Variants in ZC3H12D observed in about 807,000 individuals in gnomAD.
ZC3H12D encodes the protein zinc finger CCCH-type containing 12D, also known as probable ribonuclease ZC3H12D.
ZC3H12D carries 11 observed loss-of-function variants against 24.2 expected under a neutral mutation model. The observed-to-expected ratio is 0.46, with a 90% CI of 0.29 to 0.75. The LOEUF (loss-of-function observed/expected upper bound fraction) is 0.75. Among genes scored for constraint, ZC3H12D ranks in the 30% least tolerant of loss-of-function variants. The pLI is 0.11. For synonymous variants in ZC3H12D, 333 were observed against 341.8 expected (o/e 0.97, Z 0.28); for missense variants, 740 against 767.7 (o/e 0.96, Z 0.43).
chr6:149,483,852 A>T (rs1776461483), intron 1 of ZC3H12D, among the ~76,000 whole-genome samples: 1 of 152,138 alleles, frequency 6.6e-6, no homozygotes, highest in Non-Finnish European at 1.5e-5. Flanking sequence ...CTCCCAGCCA[A>T]TTTCTCTCGT....
intron 3 of ZC3H12D, among the ~76,000 whole-genome samples, chr6:149,457,980 T>G (rs1776010772): frequency 6.6e-6 from 1 of 152,072 alleles, no homozygotes; most frequent in Non-Finnish European, 1.5e-5. Context: ...CTCTGCCCCC[T>G]CAGTCTGCGA....
chr6:149,454,650 C>T (rs1472981915), intron 4 of ZC3H12D, among the ~76,000 whole-genome samples: 2 of 152,268 alleles, frequency 1.3e-5, no homozygotes, highest in Non-Finnish European at 2.9e-5. Flanking sequence ...CGCTCACAAG[C>T]GGGCGGCAGG....
intron 3 of ZC3H12D, among the ~76,000 whole-genome samples, chr6:149,460,482 G>A (rs377511391): frequency 1.4e-4 from 22 of 152,246 alleles, no homozygotes; most frequent in Admixed American, 4.6e-4. Context: ...GATGGCTTGC[G>A]TCCAGAAGTT....
At chr6:149,453,790 CAGCTACTAGAAA>C (rs1427548234) in intron 4 of ZC3H12D, among the ~76,000 whole-genome samples, 1 of 152,096 alleles carries the variant, frequency 6.6e-6, no homozygotes, top group East Asian at 1.9e-4. Flanking sequence ...CCTGTAGTTC[CAGCTACTAGAAA>C]AGCTGAGGAA....
chr6:149,474,717 C>T (rs1776304511), intron 1 of ZC3H12D, 104 bp from the exon 2 acceptor site: 1 of 503,240 alleles, frequency 2.0e-6, no homozygotes, highest in African/African-American at 1.9e-5. Flanking sequence ...GTCAGGAAAT[C>T]AGGTGGAGCC....
Position 149,452,274 on chromosome 6 carries a change from A to C in ZC3H12D, c.787+342T>G. On this transcript the variant is annotated intron_variant, in intron 5 of 5. Coordinates refer to ENST00000409806, the MANE Select transcript of ZC3H12D (RefSeq NM_207360.3). This position sits in a 1 kb window ranked among gnomAD's most constrained non-coding sequence, Gnocchi z 4.0. ...AGGGTGGAGGGGTGGAGAGCAGGGT[A>C]GGGTGAGGACAGAAGCTGCCAGGGG... 2 of 244,482 alleles carry C rather than the reference A, an allele frequency of 8.2e-6. No individual in the cohort carries two copies. Among genetic ancestry groups the C allele is most frequent in the Non-Finnish European group, 7.8e-6 (1 of 127,670 alleles). The allele number at this position is 244,482 out of a possible 1,614,324, so 15.1% of individuals were successfully genotyped here.
At chr6:149,472,749 T>G (rs542116707) in intron 2 of ZC3H12D, among the ~76,000 whole-genome samples, 1 of 152,220 alleles carries the variant, frequency 6.6e-6, no homozygotes, top group South Asian at 2.1e-4. Context: ...CTACAGCCAC[T>G]CTGCTGTTTT....
intron 4 of ZC3H12D, among the ~76,000 whole-genome samples, chr6:149,453,378 C>G (rs1033162048): frequency 5.3e-5 from 8 of 151,920 alleles, no homozygotes; most frequent in South Asian, 2.1e-4. Flanking sequence ...GGAATCTGCA[C>G]AACTGGGAGA....
chr6:149,452,817 A>T lies in ZC3H12D; in HGVS notation c.681-95T>A. ...CAGGCCCAAGTTCCCCAAGAACACC[A>T]GGAAGCATTCGGCCCCGGGCCCACC... On this transcript the variant is annotated intron_variant, in intron 4 of 5. Coordinates refer to ENST00000409806, the MANE Select transcript of ZC3H12D (RefSeq NM_207360.3). This position sits in a 1 kb window ranked among gnomAD's most constrained non-coding sequence, Gnocchi z 4.0. The T allele has an allele frequency of 8.7e-7, 1 of 1,153,952 alleles. No homozygotes were observed. Among genetic ancestry groups the T allele is most frequent in the Non-Finnish European group, 1.2e-6 (1 of 804,812 alleles). 71.5% of individuals were successfully genotyped at this position (1,153,952 alleles called of 1,614,324 possible).
intron 2 of ZC3H12D, among the ~76,000 whole-genome samples, chr6:149,467,026 G>A (rs1305985691): frequency 6.6e-6 from 1 of 152,120 alleles, no homozygotes; most frequent in Non-Finnish European, 1.5e-5. Context: ...CCTTTGGTGG[G>A]TGTAGGAGGC....
chr6:149,452,778 C>A lies in ZC3H12D; in HGVS notation c.681-56G>T. ...ACCACCTGGGATTTGCCACCAGCAC[C>A]TGTACAAAGGGAGCAGGCCCAAGTT... On this transcript the variant is annotated intron_variant, in intron 4 of 5. Coordinates refer to ENST00000409806, the MANE Select transcript of ZC3H12D (RefSeq NM_207360.3). The surrounding 1 kb of genome is among the most constrained non-coding windows in gnomAD (Gnocchi z 4.0). 1 of 1,483,028 alleles carries A rather than the reference C, an allele frequency of 6.7e-7. No individual in the cohort carries two copies. The highest frequency in any genetic ancestry group is 9.1e-7 in the Non-Finnish European group (1 of 1,094,296). The allele number at this position is 1,483,028 out of a possible 1,614,324, so 91.9% of individuals were successfully genotyped here.
rs1195397429 is a variant in ZC3H12D at position 149,456,712 on chromosome 6, A to G, written c.634T>C (p.Trp212Arg). 1 of 1,612,984 alleles carries G rather than the reference A, an allele frequency of 6.2e-7. No homozygotes were observed. The change falls in exon 4 of 6, where the codon TGG (tryptophan) becomes CGG (arginine). Residue 212 changes from tryptophan to arginine, a missense_variant. Physicochemically the swap from Trp to Arg is moderately radical, Grantham distance 101. Transcript: ENST00000409806. The surrounding 1 kb of genome is among the most constrained non-coding windows in gnomAD (Gnocchi z 4.3). Reference sequence around the variant, plus strand: ...ATGAGCAGCCTCTGCTCGATGAACCACTTCCACTCGGGGTTCTCGCTCTGC... The same window carrying G: ...ATGAGCAGCCTCTGCTCGATGAACCGCTTCCACTCGGGGTTCTCGCTCTGC... ...DLQSENPEWK[W>R]FIEQRLLMFS...
At chr6:149,459,386 T>A in intron 3 of ZC3H12D, 1 of 559,066 alleles carries the variant, frequency 1.8e-6, no homozygotes, top group Non-Finnish European at 3.2e-6. Context: ...TCTATAATCA[T>A]GTTAAAAGTA....
intron 3 of ZC3H12D, among the ~76,000 whole-genome samples, chr6:149,461,339 C>CAA (rs202117524): frequency 1.4e-4 from 13 of 95,088 alleles, no homozygotes; most frequent in East Asian, 9.7e-4. Context: ...GATTTGGTCT[C>CAA]AAAAAAAAAA....
chr6:149,451,624 T>G (rs996025344), intron 5 of ZC3H12D, 145 bp from the exon 6 acceptor site: 16 of 710,166 alleles, frequency 2.3e-5, no homozygotes, highest in African/African-American at 3.8e-5. Flanking sequence ...CGCGGACTCC[T>G]CAGACTCAGC....
At chr6:149,458,093 T>C (rs1266756474) in intron 3 of ZC3H12D, among the ~76,000 whole-genome samples, 2 of 145,816 alleles carry the variant, frequency 1.4e-5, no homozygotes, top group Non-Finnish European at 3.0e-5. Context: ...ATGAGAATCA[T>C]TTTCTTTCTT....
intron 2 of ZC3H12D, among the ~76,000 whole-genome samples, chr6:149,462,430 C>T (rs1192175060): frequency 6.6e-6 from 1 of 152,160 alleles, no homozygotes; most frequent in East Asian, 1.9e-4. Context: ...AAAATCTACA[C>T]TTTAAAGATA....
intron 5 of ZC3H12D, among the ~76,000 whole-genome samples, chr6:149,451,891 G>C (rs388501): frequency 1.3e-5 from 2 of 152,232 alleles, no homozygotes; most frequent in Admixed American, 6.5e-5. Context: ...GCTCGGGGCA[G>C]AGGACTGCGC....
Position 149,456,622 on chromosome 6 carries a change from C to CCCCCCCCCCCCCCCCCCGGGGGGAGG in ZC3H12D, c.680+43_680+44insCCTCCCCCCGGGGGGGGGGGGGGGGG. On this transcript the variant is annotated intron_variant, in intron 4 of 5. Transcript: ENST00000409806. The surrounding 1 kb of genome is among the most constrained non-coding windows in gnomAD (Gnocchi z 4.3). ...GGCCACTGCCTCGACCCCGGCCCCC[C>CCCCCCCCCCCCCCCCCCGGGGGGAGG]GCCCCGCCGCCCCCCAGGGTGTCAG... 8.4e-6 allele frequency: 11 copies of CCCCCCCCCCCCCCCCCCGGGGGGAGG among 1,314,310 alleles called. No individual in the cohort carries two copies. The highest frequency in any genetic ancestry group is 2.4e-5 in the East Asian group (1 of 42,318). The allele number at this position is 1,314,310 out of a possible 1,614,324, so 81.4% of individuals were successfully genotyped here.
Sources: gnomAD v4.1 joint callset for allele counts (sites outside exome capture counted in the v4.1 genomes callset) on GRCh38, gnomAD v4.1.1 for gene constraint, Gnocchi (gnomAD v3.1) non-coding constraint, MANE v1.5 for transcripts, NCBI Gene and HGNC (gene_info 2026-07-23, HGNC 2026-07-21) for gene names.